Variants in STRBP observed in about 807,000 individuals in gnomAD.
STRBP encodes spermatid perinuclear RNA-binding protein.
Under a neutral mutation model 80.1 loss-of-function variants are expected in STRBP, and 13 were observed. That is an observed-to-expected ratio of 0.16 (90% CI 0.11 to 0.26). The LOEUF is 0.26. STRBP is among the 10% of genes least tolerant of loss of function. STRBP has a pLI of 1.00. For missense variants in STRBP, 485 were observed against 815.2 expected (o/e 0.59, Z 4.93); for synonymous variants, 284 against 291.2 (o/e 0.98, Z 0.25).
chr9:123,204,965 A>G (rs971723436), intron 2 of STRBP, among the ~76,000 whole-genome samples: 1 of 150,894 alleles, frequency 6.6e-6, no homozygotes, highest in Non-Finnish European at 1.5e-5. Context: ...GAAAAAAAAA[A>G]AAGAATTCAA....
intron 11 of STRBP, among the ~76,000 whole-genome samples, chr9:123,151,389 A>T (rs996348269): frequency 6.6e-6 from 1 of 152,148 alleles, no homozygotes; most frequent in Non-Finnish European, 1.5e-5. Flanking sequence ...ATGACCCTCA[A>T]CTGCAGAATA....
At position 123,237,146 on chromosome 9, in the gene STRBP, A is replaced by C. The variant is rs926703053; in HGVS notation, c.-301-180T>G. The stretch of plus-strand genomic sequence containing the variant: ...AGCCAGACTCCATCTCAATAACAAC[A>C]ACAAAAAAGCAAGAGTTGAATGTGT... On this transcript the variant is annotated intron_variant, in intron 1 of 18. Coordinates refer to ENST00000348403, the MANE Select transcript of STRBP (RefSeq NM_018387.5). Among the ~76,000 whole-genome samples, 8 of 152,188 alleles carry C rather than the reference A, an allele frequency of 5.3e-5. 1 individual carries two copies. Among genetic ancestry groups the C allele is most frequent in the Non-Finnish European group, 1.5e-5 (1 of 68,036 alleles).
intron 2 of STRBP, among the ~76,000 whole-genome samples, chr9:123,210,094 A>G (rs528622604): frequency 2.6e-5 from 4 of 152,352 alleles, no homozygotes; most frequent in Middle Eastern, 3.4e-3. Context: ...GGTATATTCG[A>G]AAATGCTTCC....
chr9:123,212,828 CACAG>C (rs2039758031), intron 2 of STRBP: 1 of 152,312 alleles, frequency 6.6e-6, no homozygotes, highest in Admixed American at 6.5e-5. Context: ...AATTCTGCAT[CACAG>C]ACATTCCTGT....
intron 6 of STRBP, among the ~76,000 whole-genome samples, chr9:123,169,271 C>A (rs2037906102): frequency 6.6e-6 from 1 of 151,278 alleles, no homozygotes; most frequent in African/African-American, 2.4e-5. Context: ...TGGGTTCAAG[C>A]AATTCTCATG....
chr9:123,123,989 T>C lies in STRBP; in HGVS notation c.*1608A>G. On this transcript the variant is annotated 3_prime_UTR_variant, in exon 19 of 19. Transcript: ENST00000348403. Reference sequence around the variant, plus strand: ...ATTTCCAGCAAGTGATGAGGTTTTATTAAAGTATCACCCACCACTAATAAA... The same window carrying C: ...ATTTCCAGCAAGTGATGAGGTTTTACTAAAGTATCACCCACCACTAATAAA... The C allele has an allele frequency of 2.0e-6, 2 of 985,432 alleles. No homozygotes were observed. Among genetic ancestry groups the C allele is most frequent in the Non-Finnish European group, 2.4e-6 (2 of 829,932 alleles). 61.0% of individuals were successfully genotyped at this position (985,432 alleles called of 1,614,324 possible). A position where few individuals can be genotyped will look rare whatever the true frequency, so the allele number is the denominator to read the frequency against.
intron 13 of STRBP, among the ~76,000 whole-genome samples, chr9:123,141,754 T>A (rs2036598591): frequency 1.3e-5 from 2 of 152,256 alleles, no homozygotes; most frequent in South Asian, 4.1e-4. Context: ...TTTACAAATA[T>A]TTTATATAAC....
intron 1 of STRBP, among the ~76,000 whole-genome samples, chr9:123,256,099 C>A (rs2041023905): frequency 7.6e-6 from 1 of 132,338 alleles, no homozygotes; most frequent in African/African-American, 3.0e-5. Flanking sequence ...TCATAGCTCA[C>A]TACGGCTTTA....
intron 2 of STRBP, among the ~76,000 whole-genome samples, chr9:123,208,691 GGGAGGTCTCTCA>G (rs1435676061): frequency 6.6e-6 from 1 of 152,126 alleles, no homozygotes; most frequent in African/African-American, 2.4e-5. Context: ...CCAGATGCCT[GGGAGGTCTCTCA>G]ATTGTGGCTG....
At chr9:123,176,014 C>T (rs900324401) in intron 4 of STRBP, among the ~76,000 whole-genome samples, 9 of 152,196 alleles carry the variant, frequency 5.9e-5, no homozygotes, top group African/African-American at 1.9e-4. Context: ...TTTCAAATAA[C>T]TTGACTTCTT....
chr9:123,160,947 A>G (rs1448322939), intron 7 of STRBP, 30 bp downstream of exon 7: 1 of 1,557,032 alleles, frequency 6.4e-7, no homozygotes, highest in Non-Finnish European at 8.6e-7. Flanking sequence ...ACAAACTTTA[A>G]TAACAATAAG....
intron 11 of STRBP, among the ~76,000 whole-genome samples, chr9:123,154,265 T>G (rs1172498741): frequency 2.0e-5 from 3 of 152,200 alleles, no homozygotes. Context: ...CCTATTAAAA[T>G]GAACTATATC....
chr9:123,234,942 TAAAA>T (rs1050180816), intron 2 of STRBP, among the ~76,000 whole-genome samples: 2 of 126,992 alleles, frequency 1.6e-5, no homozygotes, highest in Non-Finnish European at 3.3e-5. Context: ...TCTCAAAAAA[TAAAA>T]AAAAAGTTTA....
At position 123,129,145 on chromosome 9, in the gene STRBP, C is replaced by A. The variant is rs904234131; in HGVS notation, c.1898-887G>T. 2.0e-5 allele frequency among the ~76,000 whole-genome samples: 3 copies of A among 152,016 alleles called. No individual in the cohort carries two copies. In the East Asian group the frequency reaches 5.8e-4, roughly 29 times the overall value. On this transcript the variant is annotated intron_variant, in intron 17 of 18. Transcript: ENST00000348403. ...GCTGTGGCAGGAGGACTGCTTGAAC[C>A]CAGGAGTTAGAGACCAGCCTGGGCA...
At chr9:123,149,074 AAAGT>A (rs1194462019) in intron 11 of STRBP, among the ~76,000 whole-genome samples, 3 of 152,312 alleles carry the variant, frequency 2.0e-5, no homozygotes, top group Non-Finnish European at 4.4e-5. Flanking sequence ...CTTCACTTTA[AAAGT>A]TAGTTGTTTT....
At chr9:123,229,677 G>A (rs999022204) in intron 2 of STRBP, among the ~76,000 whole-genome samples, 1 of 152,204 alleles carries the variant, frequency 6.6e-6, no homozygotes, top group Non-Finnish European at 1.5e-5. Flanking sequence ...TCTATGGTGA[G>A]AGGAATGAGG....
At chr9:123,198,778 G>A (rs2039200988) in intron 2 of STRBP, among the ~76,000 whole-genome samples, 1 of 152,140 alleles carries the variant, frequency 6.6e-6, no homozygotes, top group Admixed American at 6.5e-5. Flanking sequence ...TATAGTGAGA[G>A]ATAGACAGTT....
chr9:123,240,835 C>T (rs906358745), intron 1 of STRBP, among the ~76,000 whole-genome samples: 7 of 152,130 alleles, frequency 4.6e-5, no homozygotes, highest in East Asian at 3.8e-4. Context: ...TCCTGACCTC[C>T]GCCTGGACTC....
intron 2 of STRBP, among the ~76,000 whole-genome samples, chr9:123,187,749 CCCCACCACCCACCACACACCA>C (rs940644511): frequency 1.5e-5 from 2 of 137,284 alleles, no homozygotes; most frequent in Admixed American, 7.3e-5. Context: ...TACCTCTTCT[CCCCACCACCCACCACACACCA>C]CCCACCACCC....
Sources: gnomAD v4.1 joint callset for allele counts (sites outside exome capture counted in the v4.1 genomes callset) on GRCh38, gnomAD v4.1.1 for gene constraint, MANE v1.5 for transcripts, NCBI Gene and HGNC (gene_info 2026-07-23, HGNC 2026-07-21) for gene names.